Variants in RRP12 observed in about 807,000 individuals in gnomAD.
The protein encoded by RRP12 is RRP12-like protein.
Under a neutral mutation model 157.3 loss-of-function variants are expected in RRP12, and 78 were observed. The observed-to-expected ratio is 0.50, with a 90% CI of 0.41 to 0.60. The LOEUF is 0.60. Ranked by LOEUF, RRP12 falls within the 20% of genes least tolerant of loss-of-function variation. The pLI is 0.00. For synonymous variants in RRP12, 726 were observed against 670.9 expected (o/e 1.08, Z -1.27); for missense variants, 1,521 against 1,679.9 (o/e 0.91, Z 1.65).
At chr10:97,401,062 C>G (rs1400881370) in intron 1 of RRP12, 31 bp downstream of exon 1, 1 of 1,608,420 alleles carries the variant, frequency 6.2e-7, no homozygotes, top group South Asian at 1.1e-5. Flanking sequence ...GAACCCCGCC[C>G]CCGGCTGCGC....
Position 97,373,191 on chromosome 10 carries a change from C to A in RRP12, c.2036G>T (p.Arg679Leu), listed in dbSNP as rs370538268. Residue 679 changes from arginine (R) to leucine (L), a missense_variant, in exon 18 of 34, where the codon CGT (arginine) becomes CTT (leucine). Transcript: ENST00000370992. ...CTTGGCAAAGCGACTCACTTCAGCACGGTCAGCCTCTGGTAAAAGGATCAA... is the reference window on the plus strand; with the variant it reads ...CTTGGCAAAGCGACTCACTTCAGCAAGGTCAGCCTCTGGTAAAAGGATCAA... ...ITKGCQAEAD[R>L]AEVSRFAKNF... 5 of 1,613,980 alleles carry A rather than the reference C, an allele frequency of 3.1e-6. No individual in the cohort carries two copies. Among genetic ancestry groups the A allele is most frequent in the African/African-American group, 1.3e-5 (1 of 74,926 alleles).
At chr10:97,385,345 T>G in intron 9 of RRP12, 88 bp from the exon 10 acceptor site, 1 of 1,018,492 alleles carries the variant, frequency 9.8e-7, no homozygotes, top group Non-Finnish European at 1.5e-6. Flanking sequence ...GCACCAGCAA[T>G]GTCCTGGGGA....
At chr10:97,361,450 C>G (rs568968810) in intron 30 of RRP12, among the ~76,000 whole-genome samples, 68 of 152,296 alleles carry the variant, frequency 4.5e-4, no homozygotes, top group African/African-American at 1.5e-3. Flanking sequence ...TGCCACTGTG[C>G]CCCAGAAACC....
chr10:97,377,776 G>C (rs143743132), intron 15 of RRP12, among the ~76,000 whole-genome samples: 1 of 148,456 alleles, frequency 6.7e-6, no homozygotes, highest in Non-Finnish European at 1.5e-5. Flanking sequence ...CCCAGGAGGC[G>C]GAGATTGCAG....
rs904770917 is a variant in RRP12 at position 97,357,117 on chromosome 10, G to A, written c.3871C>T (p.Arg1291Cys). ...RRGSQVGHKNRRKDRRP is the reference protein window; with the variant it reads ...RRGSQVGHKNCRKDRRP The stretch of plus-strand genomic sequence containing the variant: ...CCTCAGGGTCGACGATCCTTTCTGC[G>A]GTTTTTGTGTCCCACCTGGGAACCT... Residue 1291 changes from arginine (R) to cysteine (C), a missense_variant, in exon 34 of 34, where the codon CGC (arginine) becomes TGC (cysteine). By Grantham distance (180) the Arg-to-Cys change is radical. Coordinates refer to ENST00000370992, the MANE Select transcript of RRP12 (RefSeq NM_015179.4). 7.4e-6 allele frequency: 12 copies of A among 1,612,616 alleles called. No homozygotes were observed. The highest frequency in any genetic ancestry group is 5.0e-5 in the Admixed American group (3 of 59,940).
Position 97,396,198 on chromosome 10 carries a change from C to G in RRP12, c.453+20G>C, listed in dbSNP as rs1844957928. On this transcript the variant is annotated intron_variant, in intron 3 of 33. Coordinates refer to ENST00000370992, the MANE Select transcript of RRP12 (RefSeq NM_015179.4). The stretch of plus-strand genomic sequence containing the variant: ...TAACCTGCTGCTCTGAACACCCACC[C>G]TCCAGTGGCACCCACTCACCAGAGC... 6.4e-7 allele frequency: 1 copy of G among 1,574,274 alleles called. No homozygotes were observed. Among genetic ancestry groups the G allele is most frequent in the African/African-American group, 1.4e-5 (1 of 74,018 alleles).
chr10:97,369,278 TTC>T, intron 25 of RRP12, 145 bp downstream of exon 25: 1 of 791,858 alleles, frequency 1.3e-6, no homozygotes, highest in Non-Finnish European at 2.0e-6. Flanking sequence ...CTGACAGGCA[TTC>T]CCCTATGGTC....
rs748651292 is a variant in RRP12 at position 97,360,425 on chromosome 10, G to C, written c.3640+121C>G. On this transcript the variant is annotated intron_variant, in intron 31 of 33. Transcript: ENST00000370992. ...GTCATATCAGCCAACCTCTGTTGGT[G>C]CCAAGTGAGTGCAACCAGGCTGTGC... The C allele has an allele frequency of 2.3e-5, 18 of 774,576 alleles. No individual in the cohort carries two copies. The East Asian group carries it at 2.5e-4, about 11-fold the overall frequency. The allele number at this position is 774,576 out of a possible 1,614,324, so 48.0% of individuals were successfully genotyped here.
chr10:97,357,064 G>A lies in RRP12; in HGVS notation c.*30C>T. On this transcript the variant is annotated 3_prime_UTR_variant, in exon 34 of 34. Coordinates refer to ENST00000370992, the MANE Select transcript of RRP12 (RefSeq NM_015179.4). ...TGGGGGCTGAAAGGGCCTCAGACTGGACCACAGGGCAGCCCAGGGGCCCTG... is the reference window on the plus strand; with the variant it reads ...TGGGGGCTGAAAGGGCCTCAGACTGAACCACAGGGCAGCCCAGGGGCCCTG... The A allele has an allele frequency of 7.2e-7, 1 of 1,393,350 alleles. No individual in the cohort carries two copies. The highest frequency in any genetic ancestry group is 1.0e-6 in the Non-Finnish European group (1 of 984,200). The allele number at this position is 1,393,350 out of a possible 1,614,324, so 86.3% of individuals were successfully genotyped here. A position where few individuals can be genotyped will look rare whatever the true frequency, so the allele number is the denominator to read the frequency against.
chr10:97,362,287 G>GTC (rs1843865176), intron 30 of RRP12, among the ~76,000 whole-genome samples: 1 of 152,134 alleles, frequency 6.6e-6, no homozygotes. Flanking sequence ...GAAAGCCGTG[G>GTC]TCGGTTCTCC....
chr10:97,370,687 C>T lies in RRP12; in HGVS notation c.2583+29G>A, dbSNP rs772012218. ...CCCTTAAGAGCCACATTCCAGGGACCCCCCTCTAAAACACACCCGCACACT... is the reference window on the plus strand; with the variant it reads ...CCCTTAAGAGCCACATTCCAGGGACTCCCCTCTAAAACACACCCGCACACT... On this transcript the variant is annotated intron_variant, in intron 22 of 33. Transcript: ENST00000370992. 4 of 1,611,404 alleles carry T rather than the reference C, an allele frequency of 2.5e-6. No homozygotes were observed. In the African/African-American group the frequency reaches 4.0e-5, roughly 16 times the overall value.
At chr10:97,363,833 C>G (rs765903427) in intron 30 of RRP12, 21 bp downstream of exon 30, 5 of 1,609,404 alleles carry the variant, frequency 3.1e-6, no homozygotes, top group African/African-American at 2.7e-5. Context: ...CCCTAGCCCC[C>G]CATCTGCAGG....
chr10:97,367,038 G>C lies in RRP12; in HGVS notation c.3047+3C>G. The C allele has an allele frequency of 6.2e-7, 1 of 1,614,090 alleles. No homozygotes were observed. ...TACCCCCGCCCCTGCTCAGTGCACAGACCCAAACTTGCGGATGAACTTGGT... is the reference window on the plus strand; with the variant it reads ...TACCCCCGCCCCTGCTCAGTGCACACACCCAAACTTGCGGATGAACTTGGT... On this transcript the variant is annotated splice_donor_region_variant and intron_variant, in intron 26 of 33. Coordinates refer to ENST00000370992, the MANE Select transcript of RRP12 (RefSeq NM_015179.4).
chr10:97,366,371 C>A (rs1843980018), intron 28 of RRP12, 75 bp downstream of exon 28: 1 of 1,554,448 alleles, frequency 6.4e-7, no homozygotes, highest in Non-Finnish European at 8.7e-7. Flanking sequence ...TGGATGCCAC[C>A]CCCTACCCAC....
intron 32 of RRP12, 159 bp from the exon 33 acceptor site, chr10:97,358,778 T>C (rs917980165): frequency 2.3e-5 from 18 of 788,634 alleles, no homozygotes; most frequent in Admixed American, 1.8e-4. Flanking sequence ...GGTCCCCCAT[T>C]TCAGATGCCA....
In RRP12 at chr10:97,398,343, C is replaced by T. The variant is rs1327591682; in HGVS notation, c.369+1962G>A. 4.2e-5 allele frequency among the ~76,000 whole-genome samples: 3 copies of T among 70,718 alleles called. 1 individual carries two copies. The highest frequency in any genetic ancestry group is 7.9e-5 in the Non-Finnish European group (3 of 38,068). 46.4% of individuals were successfully genotyped at this position (70,718 alleles called of 152,430 possible). A position where few individuals can be genotyped will look rare whatever the true frequency, so the allele number is the denominator to read the frequency against. ...TGCTGGGATTACAGGCGTGAGCCACCGCGCCCGGCCTTTTTTTTTTTTTTT... is the reference window on the plus strand; with the variant it reads ...TGCTGGGATTACAGGCGTGAGCCACTGCGCCCGGCCTTTTTTTTTTTTTTT... On this transcript the variant is annotated intron_variant, in intron 2 of 33. Coordinates refer to ENST00000370992, the MANE Select transcript of RRP12 (RefSeq NM_015179.4).
At position 97,366,074 on chromosome 10, in the gene RRP12, A is replaced by G. The variant is rs750863540; in HGVS notation, c.3517+34T>C. 22 of 1,600,066 alleles carry G rather than the reference A, an allele frequency of 1.4e-5. 1 individual carries two copies. In the East Asian group the frequency reaches 2.9e-4, roughly 21 times the overall value. On this transcript the variant is annotated intron_variant, in intron 29 of 33. Coordinates refer to ENST00000370992, the MANE Select transcript of RRP12 (RefSeq NM_015179.4). ...GTGATCACCGAAGGAATAAGTGAAC[A>G]CGGTGAATGAATGGACAAGCGCGTT...
In RRP12 at chr10:97,370,710, A is replaced by G. The variant is rs1287636935; in HGVS notation, c.2583+6T>C. 1 of 1,613,544 alleles carries G rather than the reference A, an allele frequency of 6.2e-7. No individual in the cohort carries two copies. Among genetic ancestry groups the G allele is most frequent in the Non-Finnish European group, 8.5e-7 (1 of 1,179,792 alleles). ...ACCCCCCTCTAAAACACACCCGCACACTCACCTCTGGGATGAGGGCAGTGA... is the reference window on the plus strand; with the variant it reads ...ACCCCCCTCTAAAACACACCCGCACGCTCACCTCTGGGATGAGGGCAGTGA... On this transcript the variant is annotated splice_donor_region_variant and intron_variant, in intron 22 of 33. Transcript: ENST00000370992.
Position 97,370,997 on chromosome 10 carries a change from C to T in RRP12, c.2428G>A (p.Val810Met), listed in dbSNP as rs535662581. The change falls in exon 21 of 34, where the codon GTG (valine) becomes ATG (methionine). Residue 810 changes from valine to methionine, a missense_variant. By Grantham distance (21) the Val-to-Met change is conservative. Coordinates refer to ENST00000370992, the MANE Select transcript of RRP12 (RefSeq NM_015179.4). ...TTCAGGTCCTCCAGGTGGCTCTGCA[C>T]GAAGAGGGCCCCGGGGCCCTGAGGA... is the stretch of plus-strand genomic sequence containing the variant. ...ASPQGPGALF[V>M]QSHLEDLKKT... The T allele has an allele frequency of 2.0e-5, 32 of 1,613,944 alleles. No individual in the cohort carries two copies. Among genetic ancestry groups the T allele is most frequent in the South Asian group, 1.1e-4 (10 of 91,066 alleles).
Sources: gnomAD v4.1 joint callset for allele counts (sites outside exome capture counted in the v4.1 genomes callset) on GRCh38, gnomAD v4.1.1 for gene constraint, MANE v1.5 for transcripts, NCBI Gene and HGNC (gene_info 2026-07-23, HGNC 2026-07-21) for gene names.